The following TRPM3 variants were observed in gnomAD, a reference collection of about 807,000 sequenced individuals.
The protein encoded by TRPM3 is long transient receptor potential channel 3.
A neutral mutation model predicts 181.2 loss-of-function variants in TRPM3; 77 were observed. The ratio of observed to expected loss-of-function variants is 0.42; its 90% CI spans 0.35 to 0.51. The LOEUF (loss-of-function observed/expected upper bound fraction) is 0.51, where lower values mean the gene tolerates loss of function less well. TRPM3 is among the 20% of genes least tolerant of loss of function. TRPM3 has a pLI of 0.01. For missense variants in TRPM3, 1,759 were observed against 2,196.7 expected (o/e 0.80, Z 3.98); for synonymous variants, 745 against 796.4 (o/e 0.94, Z 1.09).
intron 1 of TRPM3, among the ~76,000 whole-genome samples, chr9:70,934,009 T>C (rs570689391): frequency 6.6e-6 from 1 of 152,226 alleles, no homozygotes; most frequent in East Asian, 1.9e-4. Context: ...CAATTTTCTC[T>C]TGGAAGAATT....
chr9:71,343,263 T>C (rs760026933), intron 1 of TRPM3, among the ~76,000 whole-genome samples: 20 of 152,030 alleles, frequency 1.3e-4, no homozygotes, highest in Non-Finnish European at 2.1e-4. Context: ...CAAAAATAAA[T>C]GTACTCAACT....
At chr9:70,964,372 C>T (rs1275983520) in intron 1 of TRPM3, among the ~76,000 whole-genome samples, 1 of 152,000 alleles carries the variant, frequency 6.6e-6, no homozygotes, top group Non-Finnish European at 1.5e-5. Context: ...AGAACCAGAG[C>T]TTAAAAACTA....
At chr9:71,397,752 T>G (rs947564151) in intron 1 of TRPM3, among the ~76,000 whole-genome samples, 3 of 151,820 alleles carry the variant, frequency 2.0e-5, no homozygotes, top group African/African-American at 4.8e-5. Context: ...AGAACTCTTA[T>G]GTTTACATCA....
Position 70,591,084 on chromosome 9 carries a change from A to G in TRPM3, c.3170T>C (p.Phe1057Ser). ...ATAAATCATCCAATAGGGCATGTAGAAGATGTTCTTGGCCAGTTTCCATGA... is the reference window on the plus strand; with the variant it reads ...ATAAATCATCCAATAGGGCATGTAGGAGATGTTCTTGGCCAGTTTCCATGA... ...EPSWKLAKNI[F>S]YMPYWMIYGE... The change falls in exon 22 of 26, where the codon TTC becomes TCC. Residue 1057 changes from phenylalanine (F) to serine (S), a missense_variant. Physicochemically the swap from Phe to Ser is radical, Grantham distance 155 (BLOSUM62 -2). Around this residue, in one of 8 missense-constraint regions of TRPM3, gnomAD observed 94 missense variants for 221.3 expected, o/e 0.42. Coordinates refer to ENST00000677713, the MANE Select transcript of TRPM3 (RefSeq NM_001366145.2). 1 of 1,614,182 alleles carries G rather than the reference A, an allele frequency of 6.2e-7. No homozygotes were observed. The highest frequency in any genetic ancestry group is 8.5e-7 in the Non-Finnish European group (1 of 1,180,030).
chr9:70,951,340 G>T (rs1048062821), intron 1 of TRPM3, among the ~76,000 whole-genome samples: 1 of 151,976 alleles, frequency 6.6e-6, no homozygotes, highest in African/African-American at 2.4e-5. Context: ...GTACAATTTT[G>T]ATTTTTTGTT....
At chr9:70,653,897 TC>T (rs1387252504) in intron 9 of TRPM3, among the ~76,000 whole-genome samples, 1 of 152,096 alleles carries the variant, frequency 6.6e-6, no homozygotes, top group Non-Finnish European at 1.5e-5. Flanking sequence ...ATGGGTGGAT[TC>T]TTCTTAGTTC....
chr9:71,046,600 C>A (rs1319962313), intron 1 of TRPM3, among the ~76,000 whole-genome samples: 2 of 152,160 alleles, frequency 1.3e-5, no homozygotes, highest in African/African-American at 4.8e-5. Context: ...CCGGATCTAT[C>A]CTCCCCGACC....
At chr9:71,335,993 C>A (rs1010142966) in intron 1 of TRPM3, among the ~76,000 whole-genome samples, 34 of 151,962 alleles carry the variant, frequency 2.2e-4, no homozygotes, top group African/African-American at 7.3e-4. Context: ...GCTCCTCCAG[C>A]CTACCAATCA....
In TRPM3 at chr9:71,400,853, A is replaced by C. The variant is rs142292089; in HGVS notation, c.183+45800T>G. Reference sequence around the variant, plus strand: ...AGAAAAAACAACTTTATAAAAATACATTCAAAGAAAGGTATTCTAATGCTT... The same window carrying C: ...AGAAAAAACAACTTTATAAAAATACCTTCAAAGAAAGGTATTCTAATGCTT... On this transcript the variant is annotated intron_variant, in intron 1 of 24. Transcript: ENST00000357533. 2.0e-3 allele frequency among the ~76,000 whole-genome samples: 301 copies of C among 152,124 alleles called. 1 individual carries two copies. The highest frequency in any genetic ancestry group is 7.0e-3 in the African/African-American group (289 of 41,492).
chr9:70,762,262 T>G (rs377016236), intron 7 of TRPM3, among the ~76,000 whole-genome samples: 2 of 152,240 alleles, frequency 1.3e-5, no homozygotes, highest in African/African-American at 4.8e-5. Context: ...GTCTGGCCTA[T>G]GATTTAGGTA....
chr9:70,832,655 C>T (rs994894714), intron 5 of TRPM3, among the ~76,000 whole-genome samples: 4 of 152,196 alleles, frequency 2.6e-5, no homozygotes, highest in Non-Finnish European at 5.9e-5. Flanking sequence ...CACTATGACA[C>T]AACCTTCAGT....
At chr9:71,318,312 C>A (rs771106607) in intron 1 of TRPM3, among the ~76,000 whole-genome samples, 2 of 152,066 alleles carry the variant, frequency 1.3e-5, no homozygotes, top group African/African-American at 4.8e-5. Flanking sequence ...TTTTTGACAA[C>A]TAAAATGGCA....
intron 1 of TRPM3, among the ~76,000 whole-genome samples, chr9:71,007,962 A>G (rs2097697588): frequency 6.6e-6 from 1 of 152,138 alleles, no homozygotes; most frequent in Admixed American, 6.5e-5. Context: ...TTAAAAAGTA[A>G]TACAAAAGAA....
intron 1 of TRPM3, among the ~76,000 whole-genome samples, chr9:71,159,437 A>T (rs900428919): frequency 6.6e-6 from 1 of 152,054 alleles, no homozygotes; most frequent in Non-Finnish European, 1.5e-5. Context: ...AGAAGAGGAA[A>T]CTCATATGTC....
rs185647999 is a variant in TRPM3, at chr9:70,972,571, A to G, written c.178-108060T>C. 2.5e-4 allele frequency among the ~76,000 whole-genome samples: 38 copies of G among 152,320 alleles called. No individual in the cohort carries two copies. In the East Asian group the frequency reaches 7.1e-3, roughly 29 times the overall value. ...GAGTGATGAGGGATGCACAACTTGT[A>G]GTCTACTAAAATCCACTAAATTATA... On this transcript the variant is annotated intron_variant, in intron 1 of 25. Transcript: ENST00000677713.
intron 5 of TRPM3, 58 bp downstream of exon 5, chr9:70,842,945 A>G (rs1337030): frequency 0.57 from 894,349 of 1,565,560 alleles, 258,804 homozygotes; most frequent in Non-Finnish European, 0.58. Context: ...ATTTTATTAT[A>G]CTTTTCTGAT....
At chr9:70,571,908 C>A (rs529711541) in intron 22 of TRPM3, among the ~76,000 whole-genome samples, 12 of 152,300 alleles carry the variant, frequency 7.9e-5, no homozygotes, top group Admixed American at 2.0e-4. Context: ...GTGTTGCCAG[C>A]AATGTCTCTC....
intron 22 of TRPM3, among the ~76,000 whole-genome samples, chr9:70,566,245 G>T (rs912393265): frequency 2.6e-4 from 39 of 152,278 alleles, no homozygotes; most frequent in African/African-American, 8.9e-4. Flanking sequence ...GTGGTGGTAA[G>T]CCACACTAAG....
intron 1 of TRPM3, among the ~76,000 whole-genome samples, chr9:70,881,581 T>C (rs199664726): frequency 1.3e-5 from 2 of 152,322 alleles, no homozygotes; most frequent in East Asian, 1.9e-4. Flanking sequence ...CTGTTGATAA[T>C]TGAAGCCTCT....
Sources: allele counts gnomAD v4.1 joint callset (sites outside exome capture counted in the v4.1 genomes callset), GRCh38; gene constraint gnomAD v4.1.1; regional missense constraint gnomAD v4.1.1; transcripts MANE v1.5; gene names NCBI Gene and HGNC (gene_info 2026-07-23, HGNC 2026-07-21).